The following PIK3R1 variants were observed in gnomAD, a reference collection of about 807,000 sequenced individuals.
PIK3R1 encodes the protein phosphatidylinositol 3-kinase regulatory subunit alpha.
PIK3R1 carries 29 observed loss-of-function variants against 98.0 expected under a neutral mutation model. The observed-to-expected ratio is 0.30, with a 90% CI of 0.22 to 0.40. The LOEUF is 0.40. Ranked by LOEUF, PIK3R1 falls within the 10% of genes least tolerant of loss-of-function variation. PIK3R1 has a pLI of 1.00. For synonymous variants in PIK3R1, 282 were observed against 311.8 expected (o/e 0.90, Z 1.01); for missense variants, 596 against 872.7 (o/e 0.68, Z 3.99).
chr5:68,236,357 C>T (rs1744669306), intron 2 of PIK3R1, among the ~76,000 whole-genome samples: 2 of 152,098 alleles, frequency 1.3e-5, no homozygotes, highest in Non-Finnish European at 2.9e-5. Flanking sequence ...TCACGCCATT[C>T]TCCTGTCTCA....
chr5:68,289,931 G>A (rs1747295940), intron 7 of PIK3R1, among the ~76,000 whole-genome samples: 1 of 152,060 alleles, frequency 6.6e-6, no homozygotes, highest in East Asian at 1.9e-4. Flanking sequence ...TCTTTGCCCA[G>A]TTTTTTTAGG....
At chr5:68,292,538 C>T (rs763391936) in intron 8 of PIK3R1, 177 bp downstream of exon 8, 2 of 1,518,348 alleles carry the variant, frequency 1.3e-6, no homozygotes, top group South Asian at 1.2e-5. Context: ...GTGCTGGATG[C>T]CACAGGAAAT....
At chr5:68,236,607 A>C (rs1744679962) in intron 2 of PIK3R1, among the ~76,000 whole-genome samples, 1 of 152,220 alleles carries the variant, frequency 6.6e-6, no homozygotes, top group African/African-American at 2.4e-5. Flanking sequence ...AATATTTAAA[A>C]AGTGATCATA....
At chr5:68,220,990 T>A (rs1408568440) in intron 1 of PIK3R1, among the ~76,000 whole-genome samples, 1 of 152,212 alleles carries the variant, frequency 6.6e-6, no homozygotes, top group Non-Finnish European at 1.5e-5. Flanking sequence ...TAGGGCCTAA[T>A]AGGAGGCTGT....
In PIK3R1 at chr5:68,262,645, A is replaced by G. The variant is rs1386894725; in HGVS notation, c.335-10745A>G. Among the ~76,000 whole-genome samples, 4 of 132,038 alleles carry G rather than the reference A, an allele frequency of 3.0e-5. No individual in the cohort carries two copies. The South Asian group carries it at 6.6e-4, about 22-fold the overall frequency. The allele number at this position is 132,038 out of a possible 152,430, so 86.6% of individuals were successfully genotyped here. On this transcript the variant is annotated intron_variant, in intron 2 of 15. Coordinates refer to ENST00000521381, the MANE Select transcript of PIK3R1 (RefSeq NM_181523.3). ...TAGATGCATGTATACACATGTATACACATGTATCTGCATGTATACACATGT... is the reference window on the plus strand; with the variant it reads ...TAGATGCATGTATACACATGTATACGCATGTATCTGCATGTATACACATGT...
chr5:68,281,912 G>T (rs1286904236), intron 7 of PIK3R1, among the ~76,000 whole-genome samples: 1 of 152,156 alleles, frequency 6.6e-6, no homozygotes, highest in Non-Finnish European at 1.5e-5. Flanking sequence ...GCACAGCCAG[G>T]CTTGGTTACT....
chr5:68,261,869 T>A (rs2112108300), intron 2 of PIK3R1, among the ~76,000 whole-genome samples: 1 of 152,108 alleles, frequency 6.6e-6, no homozygotes, highest in East Asian at 1.9e-4. Context: ...ACAAACTCCC[T>A]CCCGTGGTTC....
chr5:68,280,420 G>A, intron 5 of PIK3R1, 108 bp from the exon 6 acceptor site: 2 of 749,894 alleles, frequency 2.7e-6, no homozygotes, highest in Non-Finnish European at 4.5e-6. Context: ...CTTTTTAAAT[G>A]ACTCCTATAG....
chr5:68,252,256 C>T (rs1159137344), intron 2 of PIK3R1, among the ~76,000 whole-genome samples: 1 of 152,070 alleles, frequency 6.6e-6, no homozygotes, highest in Non-Finnish European at 1.5e-5. Context: ...CATCTGATGA[C>T]AGGCAAGTAC....
intron 2 of PIK3R1, among the ~76,000 whole-genome samples, chr5:68,266,155 A>G (rs930024383): frequency 2.0e-5 from 3 of 152,100 alleles, no homozygotes; most frequent in African/African-American, 7.2e-5. Context: ...GTTCCTCTCC[A>G]TCCCCCTGCC....
Position 68,295,417 on chromosome 5 carries a change from C to G in PIK3R1, c.1746-3C>G, listed in dbSNP as rs1349407339. On this transcript the variant is annotated splice_region_variant and splice_polypyrimidine_tract_variant and intron_variant, in intron 13 of 15. Transcript: ENST00000521381. ...GCGTTCTCTTTTCAAAACTGTTTTT[C>G]AGGTGGTTGACTCAAAAAGGTGTTC... 6.2e-7 allele frequency: 1 copy of G among 1,614,090 alleles called. No homozygotes were observed. Among genetic ancestry groups the G allele is most frequent in the East Asian group, 2.2e-5 (1 of 44,866 alleles).
chr5:68,284,365 G>C (rs1746988169), intron 7 of PIK3R1, among the ~76,000 whole-genome samples: 1 of 152,168 alleles, frequency 6.6e-6, no homozygotes, highest in African/African-American at 2.4e-5. Context: ...GGGCTAAAAG[G>C]GACACTTGGG....
chr5:68,292,200 A>C, intron 7 of PIK3R1, 59 bp from the exon 8 acceptor site: 2 of 1,030,882 alleles, frequency 1.9e-6, no homozygotes, highest in South Asian at 2.8e-5. Flanking sequence ...TATTCATCTA[A>C]AGAAATTTAG....
intron 4 of PIK3R1, among the ~76,000 whole-genome samples, chr5:68,276,656 A>G (rs940943846): frequency 6.6e-6 from 1 of 152,258 alleles, no homozygotes; most frequent in Non-Finnish European, 1.5e-5. Flanking sequence ...AAGGATTCTT[A>G]GAGAGCAGAA....
intron 2 of PIK3R1, among the ~76,000 whole-genome samples, chr5:68,233,587 C>A (rs1383759780): frequency 3.3e-5 from 5 of 152,136 alleles, no homozygotes; most frequent in African/African-American, 1.2e-4. Flanking sequence ...TTCCTTCTTA[C>A]CAATTTATGT....
At chr5:68,244,403 C>T (rs1744987173) in intron 2 of PIK3R1, among the ~76,000 whole-genome samples, 1 of 150,396 alleles carries the variant, frequency 6.6e-6, no homozygotes, top group Admixed American at 6.7e-5. Context: ...ATTAAGTTCA[C>T]TCAGTGGTCC....
intron 1 of PIK3R1, among the ~76,000 whole-genome samples, chr5:68,221,395 A>G (rs1744086816): frequency 6.6e-6 from 1 of 152,228 alleles, no homozygotes; most frequent in African/African-American, 2.4e-5. Context: ...CTGAACTAGC[A>G]CACTGAAGTT....
At chr5:68,288,034 G>A (rs932781155) in intron 7 of PIK3R1, among the ~76,000 whole-genome samples, 1 of 152,134 alleles carries the variant, frequency 6.6e-6, no homozygotes, top group Non-Finnish European at 1.5e-5. Context: ...TGTGTTCTGG[G>A]TTGTTCCAAG....
At chr5:68,263,080 T>G (rs148476169) in intron 2 of PIK3R1, among the ~76,000 whole-genome samples, 2 of 133,202 alleles carry the variant, frequency 1.5e-5, no homozygotes, top group African/African-American at 2.9e-5. Flanking sequence ...TGTATACATA[T>G]ATACATGTAG....
Sources: allele counts gnomAD v4.1 joint callset (sites outside exome capture counted in the v4.1 genomes callset), GRCh38; gene constraint gnomAD v4.1.1; transcripts MANE v1.5; gene names NCBI Gene and HGNC (gene_info 2026-07-23, HGNC 2026-07-21).